DGKB: variants seen among roughly 807,000 people sequenced by gnomAD.
The protein encoded by DGKB is diacylglycerol kinase beta, also known as 90 kDa diacylglycerol kinase.
In DGKB, 67 loss-of-function variants were observed where a neutral mutation model predicts 114.3. The ratio of observed to expected loss-of-function variants is 0.59; its 90% confidence interval spans 0.48 to 0.72. The LOEUF is 0.72. Among genes scored for constraint, DGKB ranks in the 30% least tolerant of loss-of-function variants. The probability of loss-of-function intolerance (pLI) is 0.00; values close to 1 mark genes in which losing one functional copy is unlikely to be tolerated. For missense variants in DGKB, 907 were observed against 975.2 expected, an observed-to-expected ratio of 0.93 and a Z score of 0.93; for synonymous variants, 398 against 323.1, an observed-to-expected ratio of 1.23 and a Z score of -2.49.
chr7:14,961,532 T>C (rs1786843045), intron 1 of DGKB, among the ~76,000 whole-genome samples: 1 of 152,098 alleles, frequency 6.6e-6, no homozygotes. Context: ...CCTGCCCAGA[T>C]CTGAAAAGTG....
chr7:14,846,595 G>A (rs892771424), intron 1 of DGKB, among the ~76,000 whole-genome samples: 2 of 152,136 alleles, frequency 1.3e-5, no homozygotes, highest in African/African-American at 4.8e-5. Flanking sequence ...GATTCCCTGC[G>A]GTGCATTCAC....
chr7:14,498,657 G>C (rs1028059664), intron 20 of DGKB, among the ~76,000 whole-genome samples: 4 of 151,680 alleles, frequency 2.6e-5, no homozygotes, highest in Non-Finnish European at 5.9e-5. Context: ...ACAGCATTCT[G>C]TCAAAGCATG....
intron 25 of DGKB, among the ~76,000 whole-genome samples, chr7:14,162,938 A>G (rs1454748025): frequency 6.6e-6 from 1 of 152,196 alleles, no homozygotes; most frequent in African/African-American, 2.4e-5. Flanking sequence ...TGTGCACATT[A>G]TGGTGTCATC....
intron 21 of DGKB, among the ~76,000 whole-genome samples, chr7:14,472,315 C>A (rs1010935050): frequency 6.6e-6 from 1 of 152,070 alleles, no homozygotes; most frequent in African/African-American, 2.4e-5. Flanking sequence ...CTCACAAGAT[C>A]GGATAGTTCT....
At chr7:14,578,629 A>G (rs970430884) in intron 19 of DGKB, among the ~76,000 whole-genome samples, 1 of 152,202 alleles carries the variant, frequency 6.6e-6, no homozygotes, top group African/African-American at 2.4e-5. Context: ...CAGTTTGGCT[A>G]CTTGCCTGAT....
intron 20 of DGKB, among the ~76,000 whole-genome samples, chr7:14,541,802 G>C (rs1793505243): frequency 6.6e-6 from 1 of 152,188 alleles, no homozygotes; most frequent in South Asian, 2.1e-4. Context: ...ACGTCAGTAA[G>C]TCAGACAATG....
intron 2 of DGKB, among the ~76,000 whole-genome samples, chr7:14,763,271 A>G (rs1181940103): frequency 6.6e-6 from 1 of 152,072 alleles, no homozygotes; most frequent in Admixed American, 6.6e-5. Flanking sequence ...CAAACACAGT[A>G]GGTTGTAACT....
chr7:14,176,713 C>T lies in DGKB; in HGVS notation c.2304+126G>A, dbSNP rs1258566827. ...GGCTCTGACACACACATAACAACAA[C>T]AACAAAAAGACTATTTGCTGATAGG... On this transcript the variant is annotated intron_variant, in intron 25 of 25. Coordinates refer to ENST00000402815, the MANE Select transcript of DGKB (RefSeq NM_001350709.2). 1.3e-5 allele frequency: 19 copies of T among 1,496,908 alleles called. No individual in the cohort carries two copies. The East Asian group carries it at 3.0e-4, about 24-fold the overall frequency. The allele number at this position is 1,496,908 out of a possible 1,614,324, so 92.7% of individuals were successfully genotyped here. A position where few individuals can be genotyped will look rare whatever the true frequency, so the allele number is the denominator to read the frequency against.
At chr7:14,583,248 C>T in intron 17 of DGKB, 111 bp from the exon 18 acceptor site, 1 of 583,910 alleles carries the variant, frequency 1.7e-6, no homozygotes, top group South Asian at 2.5e-5. Flanking sequence ...TTTATAAAAA[C>T]TGTAAAATAT....
intron 5 of DGKB, among the ~76,000 whole-genome samples, chr7:14,721,158 A>G (rs1445271072): frequency 2.0e-5 from 3 of 152,226 alleles, no homozygotes; most frequent in Non-Finnish European, 4.4e-5. Context: ...AGAAAAGAAT[A>G]TGCTCTGACA....
intron 17 of DGKB, among the ~76,000 whole-genome samples, chr7:14,595,952 T>G (rs1802507284): frequency 6.6e-6 from 1 of 152,152 alleles, no homozygotes; most frequent in African/African-American, 2.4e-5. Context: ...ATAGCCAAGC[T>G]GTAAGACTTG....
chr7:14,604,895 T>C (rs1804202723), intron 17 of DGKB, among the ~76,000 whole-genome samples: 1 of 152,134 alleles, frequency 6.6e-6, no homozygotes, highest in South Asian at 2.1e-4. Flanking sequence ...AGTCTGACAC[T>C]AGGGATGCAG....
In DGKB at chr7:14,319,655, G is replaced by A. The variant is rs376147764; in HGVS notation, c.2122+18860C>T. Among the ~76,000 whole-genome samples the A allele has an allele frequency of 7.9e-5, 12 of 152,270 alleles. No homozygotes were observed. The East Asian group carries it at 1.9e-3, about 24-fold the overall frequency. On this transcript the variant is annotated intron_variant, in intron 23 of 25. Coordinates refer to ENST00000402815, the MANE Select transcript of DGKB (RefSeq NM_001350709.2). ...TACTCTTTGGCTAATTGGGCTAGAT[G>A]AGCAATAAATGATATGTAGGCTGTA...
In DGKB at chr7:14,781,784, AC is replaced by A. The variant is rs1301932677; in HGVS notation, c.71-24054del. ...ACTCTGGGCTTATCCTCATTACTGT[AC>A]CCTAAGATAATATATTTCACAAGTT... On this transcript the variant is annotated intron_variant, in intron 2 of 25. Coordinates refer to ENST00000402815, the MANE Select transcript of DGKB (RefSeq NM_001350709.2). Among the ~76,000 whole-genome samples the A allele has an allele frequency of 3.9e-5, 6 of 152,182 alleles. No individual in the cohort carries two copies. In the South Asian group the frequency reaches 8.3e-4, roughly 21 times the overall value.
chr7:14,276,615 A>G (rs1799039298), intron 23 of DGKB, among the ~76,000 whole-genome samples: 2 of 152,058 alleles, frequency 1.3e-5, no homozygotes, highest in South Asian at 2.1e-4. Flanking sequence ...TATTAGAGCA[A>G]TCATGCCTAA....
chr7:14,470,187 G>T (rs1398237101), intron 21 of DGKB, among the ~76,000 whole-genome samples: 1 of 151,816 alleles, frequency 6.6e-6, no homozygotes, highest in Non-Finnish European at 1.5e-5. Context: ...CTCTCATGAA[G>T]ATATGATTCT....
intron 1 of DGKB, among the ~76,000 whole-genome samples, chr7:14,922,654 T>A (rs1264509934): frequency 6.6e-6 from 1 of 152,140 alleles, no homozygotes; most frequent in African/African-American, 2.4e-5. Flanking sequence ...AGTTGTTAGC[T>A]AGGATAGTAT....
At chr7:14,448,852 G>A (rs756754218) in intron 21 of DGKB, among the ~76,000 whole-genome samples, 9 of 152,018 alleles carry the variant, frequency 5.9e-5, no homozygotes, top group Non-Finnish European at 8.8e-5. Flanking sequence ...TGAGGGAACC[G>A]AGTCAGATTT....
At chr7:14,848,360 A>G (rs1222759394) in intron 1 of DGKB, among the ~76,000 whole-genome samples, 2 of 152,202 alleles carry the variant, frequency 1.3e-5, no homozygotes, top group African/African-American at 4.8e-5. Context: ...ATTTCCAAAT[A>G]CTAGAATAGA....
Sources: gnomAD v4.1 joint callset for allele counts (sites outside exome capture counted in the v4.1 genomes callset) on GRCh38, gnomAD v4.1.1 for gene constraint, MANE v1.5 for transcripts, NCBI Gene and HGNC (gene_info 2026-07-23, HGNC 2026-07-21) for gene names.